The following TOMM70 variants were observed in gnomAD, a reference collection of about 807,000 sequenced individuals.
The protein encoded by TOMM70 is translocase of outer mitochondrial membrane 70.
TOMM70 carries 13 observed loss-of-function variants against 73.6 expected under a neutral mutation model. The observed-to-expected ratio is 0.18, with a 90% confidence interval of 0.11 to 0.28. TOMM70 has a LOEUF of 0.28. TOMM70 is among the 10% of genes least tolerant of loss of function. The pLI, the probability that TOMM70 is intolerant of heterozygous loss-of-function variation, is 1.00. For missense variants in TOMM70, 609 were observed against 747.5 expected (o/e 0.81, Z 2.16); for synonymous variants, 257 against 271.2 (o/e 0.95, Z 0.51).
intron 1 of TOMM70, 95 bp from the exon 2 acceptor site, chr3:100,387,073 G>A: frequency 7.7e-7 from 1 of 1,291,204 alleles, no homozygotes. Flanking sequence ...CAGGAAGACA[G>A]AATGGCTGTT....
In TOMM70 at chr3:100,374,426, C is replaced by T. The variant is rs189636429; in HGVS notation, c.1227+592G>A. ...TAAAATTCTCCATTAGAAAGAACTT[C>T]GGCTCTTCTGTTATTATTAATGCAT... On this transcript the variant is annotated intron_variant, in intron 7 of 11. Transcript: ENST00000284320. 4.1e-3 allele frequency among the ~76,000 whole-genome samples: 626 copies of T among 152,254 alleles called. 5 individuals are homozygous for T. Among genetic ancestry groups the T allele is most frequent in the Middle Eastern group, 0.014 (4 of 294 alleles).
At chr3:100,392,828 T>C (rs955935759) in intron 1 of TOMM70, among the ~76,000 whole-genome samples, 3 of 152,192 alleles carry the variant, frequency 2.0e-5, no homozygotes, top group Admixed American at 6.5e-5. Context: ...GAAGTCATTA[T>C]ATCAAAAAGA....
At chr3:100,370,476 T>A (rs1706497172) in intron 9 of TOMM70, among the ~76,000 whole-genome samples, 1 of 152,224 alleles carries the variant, frequency 6.6e-6, no homozygotes, top group Admixed American at 6.5e-5. Context: ...TAATAAATAC[T>A]TATTTTGAAA....
chr3:100,365,797 G>A (rs1324706945), intron 11 of TOMM70, 80 bp from the exon 12 acceptor site: 2 of 1,508,160 alleles, frequency 1.3e-6, no homozygotes, highest in Non-Finnish European at 1.8e-6. Context: ...GATGGTACAT[G>A]AAGTCTGACC....
chr3:100,377,506 T>G, intron 6 of TOMM70, 199 bp downstream of exon 6: 1 of 575,502 alleles, frequency 1.7e-6, no homozygotes, highest in Non-Finnish European at 3.0e-6. Context: ...TTTCCTTTCC[T>G]AAATAAAGAT....
chr3:100,372,543 T>C, intron 9 of TOMM70, 63 bp downstream of exon 9: 11 of 1,316,288 alleles, frequency 8.4e-6, no homozygotes, highest in Non-Finnish European at 1.2e-5. Flanking sequence ...TGTTTTCTGA[T>C]TTCCATACTG....
In TOMM70 at chr3:100,368,174, T is replaced by C. The variant is rs762047000; in HGVS notation, c.1551-8A>G. ...CACTGAAGTTGAAGTAAACTGCAAA[T>C]GCAAAAAAATGTCAGATGTGACCAT... On this transcript the variant is annotated splice_polypyrimidine_tract_variant and splice_region_variant and intron_variant, in intron 10 of 11. Transcript: ENST00000284320. 44 of 1,607,898 alleles carry C rather than the reference T, an allele frequency of 2.7e-5. No homozygotes were observed. The highest frequency in any genetic ancestry group is 3.7e-5 in the Non-Finnish European group (44 of 1,177,998).
chr3:100,392,191 T>C (rs1398249326), intron 1 of TOMM70, among the ~76,000 whole-genome samples: 1 of 152,198 alleles, frequency 6.6e-6, no homozygotes, highest in Non-Finnish European at 1.5e-5. Context: ...GATGCACTTA[T>C]TGGAACGCAT....
chr3:100,365,457 G>GAA lies in TOMM70; in HGVS notation c.*105_*106dup. On this transcript the variant is annotated 3_prime_UTR_variant, in exon 12 of 12. Coordinates refer to ENST00000284320, the MANE Select transcript of TOMM70 (RefSeq NM_014820.5). ...GTAACAAATAACAACACCACAAACA[G>GAA]AAATACTGATTTCCACCATTCAACA... 1 of 1,465,958 alleles carries GAA rather than the reference G, an allele frequency of 6.8e-7. No homozygotes were observed. The highest frequency in any genetic ancestry group is 1.4e-5 in the South Asian group (1 of 72,604). The allele number at this position is 1,465,958 out of a possible 1,614,324, so 90.8% of individuals were successfully genotyped here.
intron 5 of TOMM70, among the ~76,000 whole-genome samples, chr3:100,379,862 G>C (rs1706610378): frequency 6.6e-6 from 1 of 151,958 alleles, no homozygotes; most frequent in Admixed American, 6.5e-5. Context: ...CAAGCAATCT[G>C]CCCACCTCAG....
At chr3:100,377,322 T>C (rs1045769810) in intron 6 of TOMM70, 3 of 169,370 alleles carry the variant, frequency 1.8e-5, no homozygotes, top group Non-Finnish European at 3.9e-5. Flanking sequence ...TTTCTGAATA[T>C]ATTAATGTGT....
In TOMM70 at chr3:100,378,017, T is replaced by C. The variant is rs897262649; in HGVS notation, c.885-105A>G. ...ATCCCAGCACTTTGGGAGGCCGAGG[T>C]GGGCGGATCACGAGGTCAGGCATTC... is the stretch of plus-strand genomic sequence containing the variant. On this transcript the variant is annotated intron_variant, in intron 5 of 11. Coordinates refer to ENST00000284320, the MANE Select transcript of TOMM70 (RefSeq NM_014820.5). The C allele has an allele frequency of 3.7e-4, 348 of 928,118 alleles. 1 individual carries two copies. Among genetic ancestry groups the C allele is most frequent in the East Asian group, 2.8e-3 (105 of 37,038 alleles). 57.5% of individuals were successfully genotyped at this position (928,118 alleles called of 1,614,324 possible).
At chr3:100,400,116 CGTTTTT>C (rs1456442247) in intron 1 of TOMM70, among the ~76,000 whole-genome samples, 3 of 152,244 alleles carry the variant, frequency 2.0e-5, no homozygotes, top group South Asian at 2.1e-4. Flanking sequence ...GCCATCTAAT[CGTTTTT>C]GTTTTTGTTT....
intron 8 of TOMM70, 121 bp from the exon 9 acceptor site, chr3:100,372,843 G>A: frequency 1.2e-6 from 1 of 837,716 alleles, no homozygotes; most frequent in Non-Finnish European, 1.9e-6. Context: ...AACATAATCT[G>A]CAGCATCCAA....
At chr3:100,371,432 A>G (rs1041081129) in intron 9 of TOMM70, among the ~76,000 whole-genome samples, 3 of 151,444 alleles carry the variant, frequency 2.0e-5, no homozygotes, top group Non-Finnish European at 4.4e-5. Flanking sequence ...ACACCCAGCT[A>G]ATTTTTGTAT....
chr3:100,373,679 A>G (rs1311425287), intron 7 of TOMM70, 34 bp from the exon 8 acceptor site: 3 of 1,062,004 alleles, frequency 2.8e-6, no homozygotes, highest in East Asian at 3.1e-5. Flanking sequence ...ATGTAATTCA[A>G]CTAGTCCAGT....
chr3:100,372,528 A>T, intron 9 of TOMM70, 78 bp downstream of exon 9: 1 of 1,153,414 alleles, frequency 8.7e-7, no homozygotes, highest in Non-Finnish European at 1.3e-6. Context: ...CAACCATGAT[A>T]GCACTGTTTT....
rs1706438401 is a variant in TOMM70, at chr3:100,365,452, A to C, written c.*112T>G. ...CAGATGTAACAAATAACAACACCACAAACAGAAATACTGATTTCCACCATT... is the reference window on the plus strand; with the variant it reads ...CAGATGTAACAAATAACAACACCACCAACAGAAATACTGATTTCCACCATT... On this transcript the variant is annotated 3_prime_UTR_variant, in exon 12 of 12. Coordinates refer to ENST00000284320, the MANE Select transcript of TOMM70 (RefSeq NM_014820.5). The C allele has an allele frequency of 2.1e-6, 3 of 1,454,486 alleles. No homozygotes were observed. The allele number at this position is 1,454,486 out of a possible 1,614,324, so 90.1% of individuals were successfully genotyped here.
At chr3:100,368,926 T>C (rs1706478755) in intron 10 of TOMM70, 112 bp downstream of exon 10, 1 of 723,506 alleles carries the variant, frequency 1.4e-6, no homozygotes, top group Non-Finnish European at 2.3e-6. Flanking sequence ...ATTAAGAAGT[T>C]TGTCAATTAA....
Sources: allele counts gnomAD v4.1 joint callset (sites outside exome capture counted in the v4.1 genomes callset), GRCh38; gene constraint gnomAD v4.1.1; transcripts MANE v1.5; gene names NCBI Gene and HGNC (gene_info 2026-07-23, HGNC 2026-07-21).